DPH6: variants seen among roughly 807,000 people sequenced by gnomAD.
The protein encoded by DPH6 is diphthamine biosynthesis 6, also known as diphthine--ammonia ligase.
Under a neutral mutation model 38.2 loss-of-function variants are expected in DPH6, and 33 were observed. The observed-to-expected ratio is 0.86, with a 90% CI of 0.65 to 1.15. The LOEUF is 1.15. Ranked by LOEUF, DPH6 falls within the 50% of genes most tolerant of loss-of-function variation. DPH6 has a pLI of 0.00. For missense variants in DPH6, 325 were observed against 320.0 expected, an observed-to-expected ratio of 1.02 and a Z score of -0.12; for synonymous variants, 108 against 103.0, an observed-to-expected ratio of 1.05 and a Z score of -0.30.
intron 3 of DPH6, among the ~76,000 whole-genome samples, chr15:35,487,330 G>A (rs190054744): frequency 5.9e-4 from 90 of 152,338 alleles, no homozygotes; most frequent in Middle Eastern, 3.4e-3. Flanking sequence ...GGTTCTTCAT[G>A]AGGGCTCTGC....
At chr15:35,388,983 C>T (rs1177141721) in intron 6 of DPH6, among the ~76,000 whole-genome samples, 14 of 152,082 alleles carry the variant, frequency 9.2e-5, no homozygotes, top group African/African-American at 3.4e-4. Flanking sequence ...GCATTTAGTG[C>T]TATAAATTTC....
chr15:35,250,927 C>T (rs745315019), intron 3 of DPH6, among the ~76,000 whole-genome samples: 5 of 152,046 alleles, frequency 3.3e-5, no homozygotes, highest in Non-Finnish European at 5.9e-5. Flanking sequence ...AAGTTACTTA[C>T]TGAGTTAGTC....
intron 3 of DPH6, among the ~76,000 whole-genome samples, chr15:35,325,634 A>G (rs1490717097): frequency 6.6e-6 from 1 of 152,146 alleles, no homozygotes; most frequent in African/African-American, 2.4e-5. Flanking sequence ...TAAACTTTCT[A>G]GAAGATATCA....
intron 2 of DPH6, among the ~76,000 whole-genome samples, chr15:35,541,479 T>C (rs2055252336): frequency 6.7e-6 from 1 of 149,808 alleles, no homozygotes; most frequent in African/African-American, 2.4e-5. Context: ...AACAAGTATT[T>C]AGCTAGATTC....
chr15:35,282,600 G>T, intron 3 of DPH6: 2 of 372,704 alleles, frequency 5.4e-6, no homozygotes, highest in South Asian at 4.4e-5. Context: ...TCCAGAATGG[G>T]AGATGAGCCA....
chr15:35,381,669 G>A (rs1357637328), intron 7 of DPH6, among the ~76,000 whole-genome samples, 153 bp downstream of exon 7: 3 of 152,164 alleles, frequency 2.0e-5, no homozygotes, highest in Admixed American at 6.5e-5. Context: ...TAGATATTCA[G>A]ATAACTTCAC....
chr15:35,268,172 A>AAAATAAAT (rs200566883), intron 3 of DPH6, among the ~76,000 whole-genome samples: 43 of 140,526 alleles, frequency 3.1e-4, no homozygotes, highest in African/African-American at 4.9e-4. Flanking sequence ...TCTGTCTCAA[A>AAAATAAAT]AAATAAATAA....
At chr15:35,467,012 T>C (rs2054135086) in intron 3 of DPH6, among the ~76,000 whole-genome samples, 1 of 152,158 alleles carries the variant, frequency 6.6e-6, no homozygotes, top group African/African-American at 2.4e-5. Context: ...CTAATGTAGA[T>C]TATAAACATG....
chr15:35,184,765 G>A, the DPH6 span, among the ~76,000 whole-genome samples: 2 of 152,090 alleles, frequency 1.3e-5, no homozygotes, highest in African/African-American at 2.4e-5. Context: ...TAGGTTATAT[G>A]TTACATTGGA....
chr15:35,349,535 C>T (rs1191937043), intron 3 of DPH6, among the ~76,000 whole-genome samples: 1 of 152,126 alleles, frequency 6.6e-6, no homozygotes, highest in African/African-American at 2.4e-5. Flanking sequence ...CTTCTGGGTT[C>T]AAGCAATTCT....
At chr15:35,231,138 G>C (rs1283359513) in intron 3 of DPH6, among the ~76,000 whole-genome samples, 1 of 152,360 alleles carries the variant, frequency 6.6e-6, no homozygotes, top group Non-Finnish European at 1.5e-5. Context: ...TGGAGCCCCA[G>C]AGCACTGTAG....
chr15:35,407,788 A>T (rs1279595434), intron 6 of DPH6, among the ~76,000 whole-genome samples: 2 of 151,936 alleles, frequency 1.3e-5, no homozygotes, highest in Non-Finnish European at 2.9e-5. Flanking sequence ...CAGCTAAGGG[A>T]ATGAGACAGA....
the DPH6 span, among the ~76,000 whole-genome samples, chr15:35,173,715 T>C: frequency 6.6e-6 from 1 of 152,262 alleles, no homozygotes; most frequent in Non-Finnish European, 1.5e-5. Context: ...CCATGTCGAA[T>C]TAACAGCAAT....
intron 3 of DPH6, among the ~76,000 whole-genome samples, chr15:35,351,238 C>T (rs1160320115): frequency 6.6e-6 from 1 of 152,050 alleles, no homozygotes; most frequent in Non-Finnish European, 1.5e-5. Context: ...ATTTGGTTAC[C>T]ATTAGTATGA....
chr15:35,242,368 C>T (rs2051606552), intron 3 of DPH6, among the ~76,000 whole-genome samples: 1 of 142,562 alleles, frequency 7.0e-6, no homozygotes, highest in South Asian at 2.4e-4. Context: ...TATAGCCTTT[C>T]TGTCCAAACA....
the DPH6 span, among the ~76,000 whole-genome samples, chr15:35,159,603 C>T: frequency 6.6e-6 from 1 of 151,940 alleles, no homozygotes; most frequent in Non-Finnish European, 1.5e-5. Context: ...CACGTATACA[C>T]TGTTGCAGGG....
At chr15:35,202,242 G>A in the DPH6 span, among the ~76,000 whole-genome samples, 19 of 151,648 alleles carry the variant, frequency 1.3e-4, no homozygotes, top group African/African-American at 4.6e-4. Context: ...CGTTTGAAAG[G>A]CCTTCATCAT....
chr15:35,517,579 C>T (rs2054864632), intron 3 of DPH6, among the ~76,000 whole-genome samples: 1 of 152,012 alleles, frequency 6.6e-6, no homozygotes, highest in Non-Finnish European at 1.5e-5. Flanking sequence ...ATTTTATCAG[C>T]TTAAAACATT....
At chr15:35,310,946 C>T (rs1188895660) in intron 3 of DPH6, among the ~76,000 whole-genome samples, 3 of 151,568 alleles carry the variant, frequency 2.0e-5, no homozygotes, top group Non-Finnish European at 2.9e-5. Context: ...GTAATCCCAG[C>T]TACTCAGAAG....
Sources: allele counts gnomAD v4.1 joint callset (sites outside exome capture counted in the v4.1 genomes callset), GRCh38; gene constraint gnomAD v4.1.1; transcripts MANE v1.5; gene names NCBI Gene and HGNC (gene_info 2026-07-23, HGNC 2026-07-21).